Variants in PLEKHA8 observed in about 807,000 individuals in gnomAD.
The protein encoded by PLEKHA8 is pleckstrin homology domain-containing family A member 8.
In PLEKHA8, 36 loss-of-function variants were observed where a neutral mutation model predicts 68.2. The ratio of observed to expected loss-of-function variants is 0.53; its 90% confidence interval spans 0.40 to 0.70. PLEKHA8 has a LOEUF of 0.70. Ranked by LOEUF, PLEKHA8 falls within the 30% of genes least tolerant of loss-of-function variation. The probability of loss-of-function intolerance (pLI) is 0.00; values close to 1 mark genes in which losing one functional copy is unlikely to be tolerated. For missense variants in PLEKHA8, 505 were observed against 615.4 expected (o/e 0.82, Z 1.90); for synonymous variants, 211 against 216.1 (o/e 0.98, Z 0.20).
At chr7:30,029,192 G>A (rs1442232765) in intron 1 of PLEKHA8, among the ~76,000 whole-genome samples, 1 of 152,232 alleles carries the variant, frequency 6.6e-6, no homozygotes, top group Non-Finnish European at 1.5e-5. Context: ...AGGTTGGAAG[G>A]TTTCAAAAGA....
Position 30,083,673 on chromosome 7 carries a change from G to C in PLEKHA8, c.*4886G>C. On this transcript the variant is annotated 3_prime_UTR_variant, in exon 14 of 14. Transcript: ENST00000449726. ...AATACCACTACTCTGCAATGCAAAAGTCTTCAAAATTCTTTGTTTCCTGTA... is the reference window on the plus strand; with the variant it reads ...AATACCACTACTCTGCAATGCAAAACTCTTCAAAATTCTTTGTTTCCTGTA... The C allele has an allele frequency of 1.0e-6, 1 of 985,380 alleles. No individual in the cohort carries two copies. 61.0% of individuals were successfully genotyped at this position (985,380 alleles called of 1,614,324 possible). A position where few individuals can be genotyped will look rare whatever the true frequency, so the allele number is the denominator to read the frequency against.
At chr7:30,050,781 C>T (rs1792343798) in intron 6 of PLEKHA8, 1 of 191,064 alleles carries the variant, frequency 5.2e-6, no homozygotes, top group Admixed American at 6.1e-5. Flanking sequence ...GAGGAAACTT[C>T]TCTCTGAGCA....
chr7:30,090,075 T>C (rs1795352285), intron 12 of PLEKHA8: 2 of 1,423,376 alleles, frequency 1.4e-6, no homozygotes, highest in Non-Finnish European at 9.5e-7. Context: ...TAAAAAAGTA[T>C]CTGGAGATAA....
Position 30,118,654 on chromosome 7 carries a change from T to G in PLEKHA8, c.1363-10612T>G, listed in dbSNP as rs1796642631. Among the ~76,000 whole-genome samples, 4 of 151,764 alleles carry G rather than the reference T, an allele frequency of 2.6e-5. No homozygotes were observed. In the South Asian group the frequency reaches 8.3e-4, roughly 32 times the overall value. On this transcript the variant is annotated intron_variant, in intron 13 of 13. Transcript: ENST00000396257. The stretch of plus-strand genomic sequence containing the variant: ...GTGCAGTGGCGCGATCTCGGCTCAC[T>G]GCAAGCTCCGCCTGCCGGGTTCATG...
chr7:30,050,690 TCCC>T, intron 6 of PLEKHA8: 4 of 476,098 alleles, frequency 8.4e-6, no homozygotes, highest in Admixed American at 4.3e-5. Flanking sequence ...GTTGGCATTT[TCCC>T]TAAGATGGAT....
At chr7:30,059,128 A>G (rs1793230635) in intron 9 of PLEKHA8, among the ~76,000 whole-genome samples, 1 of 152,250 alleles carries the variant, frequency 6.6e-6, no homozygotes, top group South Asian at 2.1e-4. Context: ...CTCAAAAACA[A>G]AAGCATTGAG....
chr7:30,031,665 A>C (rs1790677201), intron 1 of PLEKHA8, among the ~76,000 whole-genome samples: 1 of 152,162 alleles, frequency 6.6e-6, no homozygotes, highest in African/African-American at 2.4e-5. Flanking sequence ...GTGAGAGAGA[A>C]ATGATGAGAT....
intron 1 of PLEKHA8, among the ~76,000 whole-genome samples, chr7:30,032,143 T>C (rs1236238060): frequency 6.6e-6 from 1 of 152,214 alleles, no homozygotes; most frequent in Non-Finnish European, 1.5e-5. Context: ...TGAGACATAC[T>C]TCTAAAGAAG....
chr7:30,096,587 A>C lies in PLEKHA8; in HGVS notation c.1362+22455A>C, dbSNP rs1190112569. Among the ~76,000 whole-genome samples, 3 of 152,236 alleles carry C rather than the reference A, an allele frequency of 2.0e-5. No individual in the cohort carries two copies. In the South Asian group the frequency reaches 6.2e-4, roughly 32 times the overall value. ...TTGAATAGGAGTGGTGAGAGAGGGC[A>C]TCTTTGTCTCTTTTGATCTTTGTTG... On this transcript the variant is annotated intron_variant, in intron 13 of 13. Coordinates refer to the PLEKHA8 transcript ENST00000396257.
At chr7:30,064,088 T>G (rs1331679162) in intron 12 of PLEKHA8, among the ~76,000 whole-genome samples, 1 of 152,236 alleles carries the variant, frequency 6.6e-6, no homozygotes, top group Non-Finnish European at 1.5e-5. Flanking sequence ...CTGGAGTGGC[T>G]CTCTGGATTC....
chr7:30,115,629 TACACATACATGC>T (rs1488150660), intron 13 of PLEKHA8, among the ~76,000 whole-genome samples: 5 of 151,640 alleles, frequency 3.3e-5, no homozygotes, highest in African/African-American at 9.7e-5. Flanking sequence ...CACATACATG[TACACATACATGC>T]ACACATGTAC....
At chr7:30,041,748 T>G (rs930134461) in intron 1 of PLEKHA8, among the ~76,000 whole-genome samples, 1 of 152,210 alleles carries the variant, frequency 6.6e-6, no homozygotes, top group Middle Eastern at 3.2e-3. Context: ...GGTTGAGAGC[T>G]GCTCTTCAAC....
rs982830712 is a variant in PLEKHA8, at chr7:30,080,252, A to G, written c.*1465A>G. On this transcript the variant is annotated 3_prime_UTR_variant, in exon 14 of 14. Transcript: ENST00000449726. Reference sequence around the variant, plus strand: ...ATATTGAGTGGGCATTCTTCTGCACAGTGTGATGCTCCAACCCTGGCCCTA... The same window carrying G: ...ATATTGAGTGGGCATTCTTCTGCACGGTGTGATGCTCCAACCCTGGCCCTA... 1.1e-4 allele frequency: 110 copies of G among 985,296 alleles called. No individual in the cohort carries two copies. Among genetic ancestry groups the G allele is most frequent in the South Asian group, 9.9e-4 (21 of 21,294 alleles). The allele number at this position is 985,296 out of a possible 1,614,324, so 61.0% of individuals were successfully genotyped here.
At chr7:30,126,836 C>A (rs1238908448) in intron 13 of PLEKHA8, among the ~76,000 whole-genome samples, 1 of 152,164 alleles carries the variant, frequency 6.6e-6, no homozygotes, top group East Asian at 1.9e-4. Context: ...GAGAATAGCA[C>A]AGGAAAGACT....
At chr7:30,065,465 G>A (rs756558027) in intron 12 of PLEKHA8, among the ~76,000 whole-genome samples, 12 of 137,236 alleles carry the variant, frequency 8.7e-5, no homozygotes, top group Non-Finnish European at 1.7e-4. Context: ...CTGCGTAAAC[G>A]GTTTTTTGAG....
intron 1 of PLEKHA8, among the ~76,000 whole-genome samples, chr7:30,041,233 G>A (rs1314835790): frequency 6.6e-6 from 1 of 152,096 alleles, no homozygotes; most frequent in Non-Finnish European, 1.5e-5. Flanking sequence ...TGTGCCTTTT[G>A]AAACTGCAAG....
At chr7:30,074,280 G>GTGTAT in intron 13 of PLEKHA8, 148 bp downstream of exon 13, 33 of 577,310 alleles carry the variant, frequency 5.7e-5, no homozygotes, top group South Asian at 2.4e-4. Flanking sequence ...GTGTATGTGT[G>GTGTAT]GTGTTTTTGT....
chr7:30,059,176 A>G (rs1022828081), intron 9 of PLEKHA8, among the ~76,000 whole-genome samples: 20 of 152,220 alleles, frequency 1.3e-4, no homozygotes, highest in African/African-American at 4.6e-4. Flanking sequence ...TATTTACTTA[A>G]GTCATTTTAA....
rs1796832519 is a variant in PLEKHA8, at chr7:30,129,212, G to GTAA, written c.1363-52_1363-50dup. ...GAAGTTGCTGGTTGGGACTAAAAGA[G>GTAA]TAATGACAGTTGGCCTGTGTTCCTC... On this transcript the variant is annotated intron_variant, in intron 13 of 13. Coordinates refer to the PLEKHA8 transcript ENST00000396257. 3.7e-6 allele frequency: 6 copies of GTAA among 1,612,542 alleles called. No homozygotes were observed. The East Asian group carries it at 1.3e-4, about 36-fold the overall frequency.
Sources: allele counts gnomAD v4.1 joint callset (sites outside exome capture counted in the v4.1 genomes callset), GRCh38; gene constraint gnomAD v4.1.1; transcripts MANE v1.5; gene names NCBI Gene and HGNC (gene_info 2026-07-23, HGNC 2026-07-21).